The following FRMPD4 variants were observed in gnomAD, a reference collection of about 807,000 sequenced individuals.
The protein encoded by FRMPD4 is FERM and PDZ domain-containing protein 4.
Under a neutral mutation model 94.1 loss-of-function variants are expected in FRMPD4, and 22 were observed. The ratio of observed to expected loss-of-function variants is 0.23; its 90% CI spans 0.17 to 0.33. The LOEUF is 0.33. Among genes scored for constraint, FRMPD4 ranks in the 10% least tolerant of loss-of-function variants. The pLI is 1.00. For missense variants in FRMPD4, 1,111 were observed against 1,339.9 expected (o/e 0.83, Z 2.67); for synonymous variants, 631 against 548.6 (o/e 1.15, Z -2.10).
intron 1 of FRMPD4, among the ~76,000 whole-genome samples, chrX:12,471,279 T>A (rs965261743): frequency 4.5e-5 from 5 of 111,941 alleles, no homozygotes; most frequent in Non-Finnish European, 9.4e-5. Context: ...CAAACCACAT[T>A]CCACTCCAAG....
At chrX:11,906,506 T>G (rs951812044) in intron 3 of FRMPD4, among the ~76,000 whole-genome samples, 2 of 111,724 alleles carry the variant, frequency 1.8e-5, no homozygotes, top group African/African-American at 6.5e-5. Flanking sequence ...TGGCTGACAG[T>G]TTTTTTGTGG....
chrX:11,861,842 C>G (rs1267021971), intron 1 of FRMPD4, among the ~76,000 whole-genome samples: 2 of 111,248 alleles, frequency 1.8e-5, no homozygotes, highest in Non-Finnish European at 1.9e-5. Flanking sequence ...AAGAAATACC[C>G]GAGACTGGGT....
At chrX:12,373,176 A>T (rs2148010319) in intron 1 of FRMPD4, 1 of 112,501 alleles carries the variant, frequency 8.9e-6, no homozygotes, top group South Asian at 3.7e-4. Flanking sequence ...ATGTTTTCAC[A>T]AGGCAGGTTG....
rs1319190090 is a variant in FRMPD4 at position 12,451,667 on chromosome X, G to A, written c.42-47013G>A. Among the ~76,000 whole-genome samples the A allele has an allele frequency of 5.5e-5, 6 of 109,969 alleles. No individual in the cohort carries two copies. The East Asian group carries it at 1.4e-3, about 26-fold the overall frequency. On this transcript the variant is annotated intron_variant, in intron 1 of 16. Transcript: ENST00000675598. ...TTCTTAGTTTACATTGTAAAACCTT[G>A]TTTTCAAATTTTATATTGCTTACAG...
intron 1 of FRMPD4, among the ~76,000 whole-genome samples, chrX:12,286,798 C>G (rs1210552062): frequency 9.6e-6 from 1 of 104,338 alleles, no homozygotes; most frequent in Non-Finnish European, 2.0e-5. Flanking sequence ...TTGGTGTCCT[C>G]TAAAGAATGA....
chrX:12,453,285 A>C, intron 1 of FRMPD4, among the ~76,000 whole-genome samples: 1 of 112,108 alleles, frequency 8.9e-6, no homozygotes, highest in East Asian at 2.8e-4. Flanking sequence ...ATATTTTTAA[A>C]GCAAAGTAGC....
chrX:12,069,094 ATTTG>A (rs2054944980), intron 3 of FRMPD4, among the ~76,000 whole-genome samples: 2 of 111,941 alleles, frequency 1.8e-5, no homozygotes, highest in Non-Finnish European at 3.8e-5. Context: ...ATAGCGTAAC[ATTTG>A]AGTGGAACTG....
At chrX:12,094,604 T>C (rs1293526149) in intron 3 of FRMPD4, among the ~76,000 whole-genome samples, 1 of 111,915 alleles carries the variant, frequency 8.9e-6, no homozygotes, top group Admixed American at 9.5e-5. Context: ...AGGGTGTGGT[T>C]AAATGTATGG....
At chrX:12,641,268 G>A (rs187591422) in intron 4 of FRMPD4, among the ~76,000 whole-genome samples, 61 of 110,871 alleles carry the variant, frequency 5.5e-4, no homozygotes, top group South Asian at 1.5e-3. Context: ...GGGTGACTTT[G>A]GCTCAGTGCA....
chrX:12,014,695 G>T (rs1461921284), intron 3 of FRMPD4, among the ~76,000 whole-genome samples: 1 of 111,884 alleles, frequency 8.9e-6, no homozygotes, highest in African/African-American at 3.3e-5. Context: ...ATACATACTG[G>T]AGTGTGTGTC....
At chrX:12,497,535 A>G (rs1190468991) in intron 1 of FRMPD4, among the ~76,000 whole-genome samples, 3 of 109,740 alleles carry the variant, frequency 2.7e-5, no homozygotes, top group Non-Finnish European at 5.7e-5. Flanking sequence ...AAGAAGAGGA[A>G]CAAAATGCTT....
intron 4 of FRMPD4, among the ~76,000 whole-genome samples, chrX:12,646,047 G>A (rs1170481036): frequency 1.8e-5 from 2 of 112,139 alleles, no homozygotes; most frequent in Non-Finnish European, 3.8e-5. Context: ...TATTATTTTA[G>A]AGGATAGATA....
At chrX:12,599,267 G>A (rs2059062489) in intron 2 of FRMPD4, among the ~76,000 whole-genome samples, 1 of 109,369 alleles carries the variant, frequency 9.1e-6, no homozygotes, top group South Asian at 3.9e-4. Flanking sequence ...TTTGCTCATT[G>A]TTATCAAGCT....
At chrX:12,213,586 TAATCA>T (rs1177774897) in intron 1 of FRMPD4, among the ~76,000 whole-genome samples, 1 of 112,293 alleles carries the variant, frequency 8.9e-6, no homozygotes, top group East Asian at 2.8e-4. Flanking sequence ...GATGGACATT[TAATCA>T]TTTTTGCCTG....
intron 1 of FRMPD4, among the ~76,000 whole-genome samples, chrX:11,827,356 G>A (rs2053450151): frequency 9.2e-6 from 1 of 108,957 alleles, no homozygotes; most frequent in Non-Finnish European, 1.9e-5. Flanking sequence ...GTTTAGTTTA[G>A]TTCAAATGAG....
At chrX:12,311,277 A>C (rs767403819) in intron 1 of FRMPD4, among the ~76,000 whole-genome samples, 2 of 112,442 alleles carry the variant, frequency 1.8e-5, no homozygotes, top group South Asian at 7.4e-4. Context: ...TAAAAAATCA[A>C]ACATGAATTG....
intron 3 of FRMPD4, among the ~76,000 whole-genome samples, chrX:12,053,835 A>G (rs1308146392): frequency 2.7e-5 from 3 of 112,364 alleles, no homozygotes; most frequent in Non-Finnish European, 3.8e-5. Context: ...GGGAGCCATT[A>G]TAAGAAAACA....
At chrX:12,509,305 C>T (rs909113131) in intron 2 of FRMPD4, among the ~76,000 whole-genome samples, 1 of 111,936 alleles carries the variant, frequency 8.9e-6, no homozygotes, top group African/African-American at 3.3e-5. Context: ...CAGCACAATT[C>T]GCAATTCCAA....
chrX:12,085,798 G>A (rs2055104025), intron 3 of FRMPD4, among the ~76,000 whole-genome samples: 1 of 111,504 alleles, frequency 9.0e-6, no homozygotes, highest in Non-Finnish European at 1.9e-5. Flanking sequence ...AAGCCCAAGA[G>A]GTTGAGGCTG....
Sources: gnomAD v4.1 joint callset for allele counts (sites outside exome capture counted in the v4.1 genomes callset) on GRCh38, gnomAD v4.1.1 for gene constraint, MANE v1.5 for transcripts, NCBI Gene and HGNC (gene_info 2026-07-23, HGNC 2026-07-21) for gene names.